Variants in BMERB1 observed in about 807,000 individuals in gnomAD.
The protein encoded by BMERB1 is bMERB domain containing 1, also known as bMERB domain-containing protein 1.
A neutral mutation model predicts 23.6 loss-of-function variants in BMERB1; 12 were observed. That is an observed-to-expected ratio of 0.51 (90% CI 0.33 to 0.82). The LOEUF (loss-of-function observed/expected upper bound fraction) is 0.82. BMERB1 is among the 40% of genes least tolerant of loss of function. BMERB1 has a pLI of 0.03. For missense variants in BMERB1, 247 were observed against 255.4 expected, an observed-to-expected ratio of 0.97 and a Z score of 0.22; for synonymous variants, 122 against 96.6, an observed-to-expected ratio of 1.26 and a Z score of -1.54.
chr16:15,527,011 AAAT>A (rs1330473553), intron 2 of BMERB1, among the ~76,000 whole-genome samples: 2 of 149,700 alleles, frequency 1.3e-5, no homozygotes, highest in African/African-American at 4.9e-5. Flanking sequence ...TTTACTATAA[AAAT>A]AAAACATTTT....
At chr16:15,518,034 G>C (rs1395359003) in intron 2 of BMERB1, among the ~76,000 whole-genome samples, 7 of 151,850 alleles carry the variant, frequency 4.6e-5, no homozygotes, top group Admixed American at 4.6e-4. Context: ...TGCGTGTGTG[G>C]ATGTGGGTAT....
intron 2 of BMERB1, among the ~76,000 whole-genome samples, chr16:15,544,965 CTTTTCTTTTCT>C (rs2052118647): frequency 6.7e-6 from 1 of 149,246 alleles, no homozygotes; most frequent in African/African-American, 2.4e-5. Flanking sequence ...CCCAAATTTT[CTTTTCTTTTCT>C]TTTTCTTTTT....
intron 2 of BMERB1, among the ~76,000 whole-genome samples, chr16:15,525,511 C>T (rs938920808): frequency 1.3e-5 from 2 of 152,032 alleles, no homozygotes; most frequent in South Asian, 2.1e-4. Flanking sequence ...TTGAGACCAG[C>T]CTGGCCAATG....
At chr16:15,512,298 A>C (rs11859631) in intron 1 of BMERB1, among the ~76,000 whole-genome samples, 2,764 of 152,134 alleles carry the variant, frequency 0.018, 90 homozygotes, top group African/African-American at 0.064. Flanking sequence ...CATCAGGTGG[A>C]CTCCTAGAAG....
intron 1 of BMERB1, among the ~76,000 whole-genome samples, chr16:15,505,749 G>GTGGT (rs2051582426): frequency 6.6e-6 from 1 of 152,004 alleles, no homozygotes; most frequent in African/African-American, 2.4e-5. Flanking sequence ...TTAGGCTGGT[G>GTGGT]TGGTGGTGGG....
intron 2 of BMERB1, among the ~76,000 whole-genome samples, chr16:15,527,079 AATAT>A (rs1449144488): frequency 6.6e-6 from 1 of 151,644 alleles, no homozygotes; most frequent in African/African-American, 2.4e-5. Flanking sequence ...ATTGTGGCAA[AATAT>A]ATATAATATT....
At chr16:15,502,465 A>G (rs2051540509) in intron 1 of BMERB1, 1 of 1,085,262 alleles carries the variant, frequency 9.2e-7, no homozygotes, top group Non-Finnish European at 1.4e-6. Context: ...GGTTAAAAGC[A>G]GTGACTTCAT....
At chr16:15,553,677 A>G (rs1434655313) in intron 2 of BMERB1, among the ~76,000 whole-genome samples, 1 of 152,234 alleles carries the variant, frequency 6.6e-6, no homozygotes, top group Non-Finnish European at 1.5e-5. Context: ...TTCCCCAAGT[A>G]TTTAAAAATG....
At chr16:15,438,968 G>A (rs1209336834) in intron 1 of BMERB1, among the ~76,000 whole-genome samples, 2 of 152,158 alleles carry the variant, frequency 1.3e-5, no homozygotes, top group Non-Finnish European at 2.9e-5. Flanking sequence ...GAGAAAAGAA[G>A]AGTCCCCTTA....
At chr16:15,586,040 G>A (rs1415126411) in intron 5 of BMERB1, among the ~76,000 whole-genome samples, 2 of 151,954 alleles carry the variant, frequency 1.3e-5, no homozygotes, top group South Asian at 2.1e-4. Context: ...AGAATAAGTA[G>A]ACATGCAAAA....
At chr16:15,579,397 C>T (rs562948382) in intron 3 of BMERB1, among the ~76,000 whole-genome samples, 2 of 152,208 alleles carry the variant, frequency 1.3e-5, no homozygotes, top group Non-Finnish European at 2.9e-5. Context: ...GAATGGGGAG[C>T]GGCTGGCAAG....
chr16:15,529,899 C>T (rs964627075), intron 2 of BMERB1, among the ~76,000 whole-genome samples: 3 of 152,178 alleles, frequency 2.0e-5, no homozygotes, highest in Admixed American at 1.3e-4. Context: ...GTTAAAACAA[C>T]ACACATTTCT....
At chr16:15,547,425 T>A (rs941781445) in intron 2 of BMERB1, among the ~76,000 whole-genome samples, 21 of 150,894 alleles carry the variant, frequency 1.4e-4, no homozygotes, top group African/African-American at 4.4e-4. Context: ...CACTGCAACC[T>A]CCGCCTCCCA....
chr16:15,435,475 G>A (rs1311009364), intron 1 of BMERB1, among the ~76,000 whole-genome samples: 1 of 152,192 alleles, frequency 6.6e-6, no homozygotes, highest in Non-Finnish European at 1.5e-5. Flanking sequence ...TCATTAATAG[G>A]ATACAATAGT....
At chr16:15,494,902 GAGA>G (rs1318504639) in intron 1 of BMERB1, among the ~76,000 whole-genome samples, 3 of 17,416 alleles carry the variant, frequency 1.7e-4, no homozygotes, top group Non-Finnish European at 4.2e-4. Flanking sequence ...TTTTTTTTTT[GAGA>G]AGGAGTCTTG....
intron 2 of BMERB1, among the ~76,000 whole-genome samples, chr16:15,534,286 C>CA (rs1168488547): frequency 0.014 from 605 of 41,942 alleles, 50 homozygotes; most frequent in East Asian, 0.046. Flanking sequence ...TTTTTAATTG[C>CA]AAAAAAAAAA....
chr16:15,566,088 G>A (rs189076219), intron 2 of BMERB1, among the ~76,000 whole-genome samples: 34 of 152,290 alleles, frequency 2.2e-4, no homozygotes, highest in Middle Eastern at 6.8e-3. Flanking sequence ...GCCAGCCTTA[G>A]TAATCAAGAT....
At position 15,460,368 on chromosome 16, in the gene BMERB1, G is replaced by A. The variant is rs2051124102; in HGVS notation, c.106+25609G>A. On this transcript the variant is annotated intron_variant, in intron 1 of 5. Transcript: ENST00000300006. ...AGGAAAAATACAGAGGAAATTCATG[G>A]GAGAGAGTATCAGGGTGGATATATA... is the stretch of plus-strand genomic sequence containing the variant. Among the ~76,000 whole-genome samples, 4 of 152,084 alleles carry A rather than the reference G, an allele frequency of 2.6e-5. No homozygotes were observed. The South Asian group carries it at 8.3e-4, about 32-fold the overall frequency.
chr16:15,586,205 A>G (rs367787982), intron 5 of BMERB1, among the ~76,000 whole-genome samples: 4 of 152,176 alleles, frequency 2.6e-5, no homozygotes, highest in African/African-American at 9.7e-5. Context: ...GAGAAATATG[A>G]AAGAGAAGTT....
Sources: allele counts gnomAD v4.1 joint callset (sites outside exome capture counted in the v4.1 genomes callset), GRCh38; gene constraint gnomAD v4.1.1; transcripts MANE v1.5; gene names NCBI Gene and HGNC (gene_info 2026-07-23, HGNC 2026-07-21).